Variants in IGF2BP3 observed in about 807,000 individuals in gnomAD.
The protein encoded by IGF2BP3 is insulin-like growth factor 2 mRNA-binding protein 3.
IGF2BP3 carries 9 observed loss-of-function variants against 73.8 expected under a neutral mutation model. The observed-to-expected ratio is 0.12, with a 90% CI of 0.07 to 0.21. IGF2BP3 has a LOEUF of 0.21. IGF2BP3 is among the 10% of genes least tolerant of loss of function. IGF2BP3 has a pLI of 1.00. For synonymous variants in IGF2BP3, 258 were observed against 256.7 expected (o/e 1.01, Z -0.05); for missense variants, 542 against 714.0 (o/e 0.76, Z 2.75).
At chr7:23,354,865 C>CA (rs2128505983) in intron 5 of IGF2BP3, among the ~76,000 whole-genome samples, 1 of 152,258 alleles carries the variant, frequency 6.6e-6, no homozygotes, top group South Asian at 2.1e-4. Flanking sequence ...AGCAGAGTTC[C>CA]TAACCCCTCA....
intron 10 of IGF2BP3, among the ~76,000 whole-genome samples, chr7:23,321,726 G>C (rs868539083): frequency 6.6e-6 from 1 of 152,200 alleles, no homozygotes; most frequent in African/African-American, 2.4e-5. Flanking sequence ...CTAGAGCTCT[G>C]AGAACGGGCA....
rs1400748924 is a variant in IGF2BP3, at chr7:23,346,596, TTC to T, written c.819-536_819-535del. Among the ~76,000 whole-genome samples the T allele has an allele frequency of 3.1e-4, 42 of 136,452 alleles. 1 individual carries two copies. The highest frequency in any genetic ancestry group is 1.4e-3 in the African/African-American group (40 of 27,962). 89.5% of individuals were successfully genotyped at this position (136,452 alleles called of 152,430 possible). A position where few individuals can be genotyped will look rare whatever the true frequency, so the allele number is the denominator to read the frequency against. On this transcript the variant is annotated intron_variant, in intron 7 of 14. Coordinates refer to ENST00000258729, the MANE Select transcript of IGF2BP3 (RefSeq NM_006547.3). ...TAGATGGTGGGCTTTTCCTTTTTCT[TTC>T]TTTTTTTTTTTTTGAGACAGAGTCT...
At chr7:23,388,218 T>G (rs1786150610) in intron 3 of IGF2BP3, among the ~76,000 whole-genome samples, 1 of 152,212 alleles carries the variant, frequency 6.6e-6, no homozygotes, top group Non-Finnish European at 1.5e-5. Flanking sequence ...ATTACAGGCT[T>G]GAGCCACTGT....
intron 2 of IGF2BP3, among the ~76,000 whole-genome samples, chr7:23,432,447 C>G (rs551838030): frequency 1.3e-5 from 2 of 152,230 alleles, no homozygotes; most frequent in South Asian, 4.1e-4. Flanking sequence ...CATCATCACA[C>G]TGGGCCTTTG....
rs770576352 is a variant in IGF2BP3, at chr7:23,351,511, G to A, written c.477C>T (p.Ala159=). The part of the protein sequence containing the change: ...LKVAYIPDEM[A]AQQNPLQQPR... Reference sequence around the variant, plus strand: ...GCTGCTGCAAGGGGTTTTGCTGGGCGGCCATTTCATCAGGGATATAGGCTA... The same window carrying A: ...GCTGCTGCAAGGGGTTTTGCTGGGCAGCCATTTCATCAGGGATATAGGCTA... Residue 159 remains alanine, a synonymous_variant, in exon 6 of 15, where the codon GCC becomes GCT. Coordinates refer to ENST00000258729, the MANE Select transcript of IGF2BP3 (RefSeq NM_006547.3). 2.0e-5 allele frequency: 32 copies of A among 1,613,874 alleles called. No individual in the cohort carries two copies. The East Asian group carries it at 3.1e-4, about 16-fold the overall frequency.
chr7:23,389,205 G>C (rs1346306964), intron 3 of IGF2BP3, among the ~76,000 whole-genome samples: 10 of 151,148 alleles, frequency 6.6e-5, no homozygotes, highest in Admixed American at 3.3e-4. Flanking sequence ...CTGTCGCCCA[G>C]GCTGGAGTGC....
At position 23,313,554 on chromosome 7, in the gene IGF2BP3, CA is replaced by C; in HGVS notation, c.1494del (p.Ala499LeufsTer12). Reference protein sequence around the residue: ...LEAHIRVPSFAAGRVIGKGGK... With the variant: ...LEAHIRVPSFXAGRVIGKGGK... Reference sequence around the variant, plus strand: ...CCTCCTTTTCCAATAACTCTGCCAGCAGCAAAGGATGGCACTCTGATATGAG... The same window carrying C: ...CCTCCTTTTCCAATAACTCTGCCAGCGCAAAGGATGGCACTCTGATATGAG... On this transcript the variant is annotated frameshift_variant, in exon 13 of 15. Coordinates refer to ENST00000258729, the MANE Select transcript of IGF2BP3 (RefSeq NM_006547.3). LOFTEE classifies it high-confidence loss of function. 6.2e-7 allele frequency: 1 copy of C among 1,614,078 alleles called. No homozygotes were observed. Among genetic ancestry groups the C allele is most frequent in the Non-Finnish European group, 8.5e-7 (1 of 1,180,020 alleles).
chr7:23,333,581 T>C (rs757223776), intron 10 of IGF2BP3, among the ~76,000 whole-genome samples: 1 of 152,108 alleles, frequency 6.6e-6, no homozygotes, highest in Non-Finnish European at 1.5e-5. Flanking sequence ...GGAAAAGGAA[T>C]AGTGGCCAGT....
At chr7:23,453,551 T>G (rs1192302584) in intron 2 of IGF2BP3, among the ~76,000 whole-genome samples, 2 of 152,222 alleles carry the variant, frequency 1.3e-5, no homozygotes, top group Non-Finnish European at 2.9e-5. Context: ...TATTGTACGA[T>G]ATTGCTGATT....
intron 10 of IGF2BP3, among the ~76,000 whole-genome samples, chr7:23,331,684 A>T (rs998875970): frequency 3.3e-5 from 5 of 152,096 alleles, no homozygotes; most frequent in African/African-American, 1.2e-4. Flanking sequence ...ACATGGTGAA[A>T]CCCCGTCTCT....
intron 3 of IGF2BP3, among the ~76,000 whole-genome samples, chr7:23,372,412 G>A (rs1186671618): frequency 6.6e-6 from 1 of 151,874 alleles, no homozygotes; most frequent in African/African-American, 2.4e-5. Flanking sequence ...CTGAGATTTT[G>A]GTGCACCCAT....
chr7:23,448,627 T>C lies in IGF2BP3; in HGVS notation c.236+19855A>G, dbSNP rs1192784157. Among the ~76,000 whole-genome samples, 5 of 146,974 alleles carry C rather than the reference T, an allele frequency of 3.4e-5. No homozygotes were observed. The East Asian group carries it at 9.7e-4, about 28-fold the overall frequency. The stretch of plus-strand genomic sequence containing the variant: ...TATGTTGCCCAGGCTGTTTGTTTGT[T>C]TGTTTGTTTGTTTGTTTTTTTGAGG... On this transcript the variant is annotated intron_variant, in intron 2 of 14. Coordinates refer to ENST00000258729, the MANE Select transcript of IGF2BP3 (RefSeq NM_006547.3).
At chr7:23,387,431 A>C (rs1488029254) in intron 3 of IGF2BP3, among the ~76,000 whole-genome samples, 1 of 152,252 alleles carries the variant, frequency 6.6e-6, no homozygotes, top group East Asian at 1.9e-4. Flanking sequence ...AAAGGATATT[A>C]GGTAAGAACT....
intron 2 of IGF2BP3, among the ~76,000 whole-genome samples, chr7:23,450,153 T>G (rs1314476021): frequency 6.6e-6 from 1 of 152,174 alleles, no homozygotes; most frequent in East Asian, 1.9e-4. Context: ...TGCAAACTGT[T>G]TAAAAATGTC....
In IGF2BP3 at chr7:23,319,132, C is replaced by A. The variant is rs1295792322; in HGVS notation, c.1320+6G>T. On this transcript the variant is annotated splice_donor_region_variant and intron_variant, in intron 11 of 14. Coordinates refer to ENST00000258729, the MANE Select transcript of IGF2BP3 (RefSeq NM_006547.3). ...AACCAGAGAACCACAGCTGGTAGAA[C>A]AGTACCTTAATTGAAGCTCCAGCAA... 6.3e-7 allele frequency: 1 copy of A among 1,580,178 alleles called. No homozygotes were observed.
chr7:23,379,629 C>G (rs533045942), intron 3 of IGF2BP3, among the ~76,000 whole-genome samples: 41 of 152,262 alleles, frequency 2.7e-4, no homozygotes, highest in African/African-American at 9.1e-4. Flanking sequence ...TTCTATAAAA[C>G]AGTAAATTGC....
chr7:23,408,258 T>C (rs1584005677), intron 3 of IGF2BP3, among the ~76,000 whole-genome samples: 3 of 152,178 alleles, frequency 2.0e-5, no homozygotes, highest in Admixed American at 6.5e-5. Flanking sequence ...AGAAAAGGCA[T>C]ACAGACTATA....
intron 10 of IGF2BP3, among the ~76,000 whole-genome samples, chr7:23,321,421 T>A (rs1048889676): frequency 1.1e-4 from 16 of 152,182 alleles, no homozygotes; most frequent in African/African-American, 3.6e-4. Flanking sequence ...CGGAGGGTCG[T>A]ACGCCCACGG....
chr7:23,329,312 T>C (rs1784385847), intron 10 of IGF2BP3, among the ~76,000 whole-genome samples: 1 of 152,240 alleles, frequency 6.6e-6, no homozygotes, highest in South Asian at 2.1e-4. Flanking sequence ...CAAACGTCCC[T>C]ACTGCATTTT....
Sources: gnomAD v4.1 joint callset for allele counts (sites outside exome capture counted in the v4.1 genomes callset) on GRCh38, gnomAD v4.1.1 for gene constraint, MANE v1.5 for transcripts, NCBI Gene and HGNC (gene_info 2026-07-23, HGNC 2026-07-21) for gene names.